Variants in FRG1 observed in about 807,000 individuals in gnomAD.
FRG1 encodes the protein protein FRG1.
FRG1 carries 19 observed loss-of-function variants against 37.0 expected under a neutral mutation model. The observed-to-expected ratio is 0.51, with a 90% CI of 0.36 to 0.75. The LOEUF is 0.75. Among genes scored for constraint, FRG1 ranks in the 30% least tolerant of loss-of-function variants. The probability of loss-of-function intolerance (pLI) is 0.00; values close to 1 mark genes in which losing one functional copy is unlikely to be tolerated. For missense variants in FRG1, 243 were observed against 301.4 expected (o/e 0.81, Z 1.44); for synonymous variants, 73 against 96.5 (o/e 0.76, Z 1.43).
At chr4:189,941,414 A>T (rs570379807) in intron 1 of FRG1, among the ~76,000 whole-genome samples, 1 of 152,238 alleles carries the variant, frequency 6.6e-6, no homozygotes, top group African/African-American at 2.4e-5. Flanking sequence ...TTTATTAGGG[A>T]TTATTATTTT....
In FRG1 at chr4:189,952,239, C is replaced by A. The variant is rs753457336; in HGVS notation, c.211C>A (p.His71Asn). Residue 71 changes from histidine to asparagine, a missense_variant, in exon 3 of 9, where the codon CAT (histidine) becomes AAT (asparagine). Physicochemically the swap from His to Asn is moderately conservative, Grantham distance 68. This residue lies in a region of FRG1 where 110 missense variants were observed against 102.2 expected (regional missense o/e 1.08). Transcript: ENST00000226798. ...TGAAATGGATAAGGGAACCTATATACATGCACTCGACAATGGTCTTTTTAC... is the reference window on the plus strand; with the variant it reads ...TGAAATGGATAAGGGAACCTATATAAATGCACTCGACAATGGTCTTTTTAC... ...AIEMDKGTYI[H>N]ALDNGLFTLG... The A allele has an allele frequency of 1.9e-6, 3 of 1,610,044 alleles. No individual in the cohort carries two copies. Among genetic ancestry groups the A allele is most frequent in the African/African-American group, 2.7e-5 (2 of 74,816 alleles).
At chr4:189,952,099 C>T (rs1736778281) in intron 2 of FRG1, 63 bp from the exon 3 acceptor site, 5 of 1,230,080 alleles carry the variant, frequency 4.1e-6, no homozygotes, top group Non-Finnish European at 4.5e-6. Flanking sequence ...GTTATAATAA[C>T]AAAAAAAAGA....
chr4:189,958,170 C>T (rs1028269), intron 6 of FRG1, among the ~76,000 whole-genome samples: 59,746 of 151,710 alleles, frequency 0.39, 12,984 homozygotes, highest in African/African-American at 0.59. Flanking sequence ...TATTCCATTT[C>T]AGGGATGTAC....
At chr4:189,953,231 T>TA (rs936134428) in intron 4 of FRG1, 106 bp downstream of exon 4, 5 of 1,397,244 alleles carry the variant, frequency 3.6e-6, no homozygotes, top group Non-Finnish European at 4.7e-6. Flanking sequence ...AATTTTGATG[T>TA]AAAAAACAAA....
chr4:189,954,813 C>T (rs1736910970), intron 4 of FRG1, among the ~76,000 whole-genome samples: 1 of 152,038 alleles, frequency 6.6e-6, no homozygotes, highest in Non-Finnish European at 1.5e-5. Flanking sequence ...CCAGGCTGAT[C>T]TTGAACTTCT....
rs534654094 is a variant in FRG1 at position 189,943,244 on chromosome 4, A to T, written c.105A>T (p.Glu35Asp). The T allele has an allele frequency of 5.0e-5, 81 of 1,609,254 alleles. No homozygotes were observed. Among genetic ancestry groups the T allele is most frequent in the East Asian group, 3.4e-4 (15 of 44,728 alleles). ...KSKDKKRKRE[E>D]DEETQLDIVG... ...AAGATAAGAAAAGAAAAAGAGAAGA[A>T]GATGAAGAAACCCAGCTTGATATTG... Residue 35 changes from glutamate (E) to aspartate (D), a missense_variant, in exon 2 of 9, where the codon GAA becomes GAT. By Grantham distance (45) the Glu-to-Asp change is conservative (BLOSUM62 2). Transcript: ENST00000226798.
Position 189,955,141 on chromosome 4 carries a change from T to A in FRG1, c.422T>A (p.Val141Asp). Reference sequence around the variant, plus strand: ...GGACCAAGAGAACAATGGGAACCAGTCTTTCAAAATGTAAGTGCTGTTATT... The same window carrying A: ...GGACCAAGAGAACAATGGGAACCAGACTTTCAAAATGTAAGTGCTGTTATT... ...AIGPREQWEP[V>D]FQNGKMALLA... Residue 141 changes from valine to aspartate, a missense_variant, in exon 5 of 9, where the codon GTC (valine) becomes GAC (aspartate). By Grantham distance (152) the Val-to-Asp change is radical. Around this residue, in one of 2 missense-constraint regions of FRG1, gnomAD observed 133 missense variants for 199.3 expected, o/e 0.67. Coordinates refer to ENST00000226798, the MANE Select transcript of FRG1 (RefSeq NM_004477.3). 6.2e-7 allele frequency: 1 copy of A among 1,607,714 alleles called. No individual in the cohort carries two copies. Among genetic ancestry groups the A allele is most frequent in the Non-Finnish European group, 8.5e-7 (1 of 1,174,258 alleles).
At chr4:189,951,533 T>TA (rs1736753619) in intron 2 of FRG1, among the ~76,000 whole-genome samples, 1 of 151,634 alleles carries the variant, frequency 6.6e-6, no homozygotes, top group Non-Finnish European at 1.5e-5. Context: ...AGTCTTCCTG[T>TA]AGAGGCATTT....
intron 1 of FRG1, chr4:189,941,801 A>C (rs779908521): frequency 1.6e-4 from 68 of 413,562 alleles, no homozygotes; most frequent in Non-Finnish European, 3.0e-4. Flanking sequence ...ATACCTGTGC[A>C]CTCATATCCC....
At chr4:189,945,760 C>G (rs200866215) in intron 2 of FRG1, among the ~76,000 whole-genome samples, 1 of 151,218 alleles carries the variant, frequency 6.6e-6, no homozygotes, top group Non-Finnish European at 1.5e-5. Flanking sequence ...CAAGGTGATA[C>G]TGGGTGTCAC....
intron 1 of FRG1, 78 bp from the exon 2 acceptor site, chr4:189,943,124 C>T: frequency 7.0e-7 from 1 of 1,425,196 alleles, no homozygotes; most frequent in Non-Finnish European, 9.5e-7. Flanking sequence ...GCTTAAAAGA[C>T]TTTCAAGTTT....
chr4:189,948,815 C>T (rs199980582), intron 2 of FRG1, among the ~76,000 whole-genome samples: 4 of 152,280 alleles, frequency 2.6e-5, no homozygotes, highest in Admixed American at 2.0e-4. Context: ...CTCCGACTCC[C>T]GAGTAGCTGG....
chr4:189,960,876 C>T, intron 7 of FRG1, 37 bp downstream of exon 7: 2 of 1,595,574 alleles, frequency 1.3e-6, no homozygotes, highest in Non-Finnish European at 1.7e-6. Flanking sequence ...ACAGATTTGA[C>T]AGTGAAGTGC....
chr4:189,959,246 A>G (rs201640071), intron 6 of FRG1, among the ~76,000 whole-genome samples: 1 of 152,162 alleles, frequency 6.6e-6, no homozygotes, highest in South Asian at 2.1e-4. Context: ...AAATGTAGGT[A>G]TTTTCTTACA....
chr4:189,944,856 C>G (rs1208541081), intron 2 of FRG1, among the ~76,000 whole-genome samples: 5 of 149,916 alleles, frequency 3.3e-5, no homozygotes, highest in African/African-American at 1.2e-4. Context: ...TACTTATTAA[C>G]TGTTAATTTA....
chr4:189,941,403 C>T lies in FRG1; in HGVS notation c.62+332C>T, dbSNP rs548774068. On this transcript the variant is annotated intron_variant, in intron 1 of 8. Coordinates refer to ENST00000226798, the MANE Select transcript of FRG1 (RefSeq NM_004477.3). Reference sequence around the variant, plus strand: ...TGATCTCGTAGTTCATGATAATTTCCTTTATTAGGGATTATTATTTTCTCC... The same window carrying T: ...TGATCTCGTAGTTCATGATAATTTCTTTTATTAGGGATTATTATTTTCTCC... Among the ~76,000 whole-genome samples the T allele has an allele frequency of 7.2e-5, 11 of 152,298 alleles. No individual in the cohort carries two copies. In the East Asian group the frequency reaches 2.1e-3, roughly 29 times the overall value.
intron 2 of FRG1, among the ~76,000 whole-genome samples, chr4:189,946,191 A>G (rs1462294435): frequency 1.3e-5 from 2 of 151,986 alleles, no homozygotes; most frequent in Non-Finnish European, 2.9e-5. Flanking sequence ...CATTTATTTT[A>G]GATCGTTAAT....
intron 1 of FRG1, chr4:189,941,980 A>G (rs376622337): frequency 1.2e-5 from 3 of 258,330 alleles, no homozygotes; most frequent in Middle Eastern, 4.3e-4. Flanking sequence ...GTCTGGCCTC[A>G]TGAAGATGCC....
In FRG1 at chr4:189,945,817, C is replaced by T. The variant is rs1322943996; in HGVS notation, c.133+2545C>T. Among the ~76,000 whole-genome samples the T allele has an allele frequency of 3.9e-5, 6 of 152,050 alleles. 1 individual carries two copies. The highest frequency in any genetic ancestry group is 6.3e-3 in the Middle Eastern group (2 of 316). Reference sequence around the variant, plus strand: ...TCTCCTTTCCTATTTTTGGAAATAGCTGTGTAGAGATGGGTATGAGTTGTT... The same window carrying T: ...TCTCCTTTCCTATTTTTGGAAATAGTTGTGTAGAGATGGGTATGAGTTGTT... On this transcript the variant is annotated intron_variant, in intron 2 of 8. Transcript: ENST00000226798.
Sources: gnomAD v4.1 joint callset for allele counts (sites outside exome capture counted in the v4.1 genomes callset) on GRCh38, gnomAD v4.1.1 for gene constraint, gnomAD v4.1.1 regional missense constraint, MANE v1.5 for transcripts, NCBI Gene and HGNC (gene_info 2026-07-23, HGNC 2026-07-21) for gene names.